The following ATG4B variants were observed in gnomAD, a reference collection of about 807,000 sequenced individuals.
The protein encoded by ATG4B is autophagy related 4B cysteine peptidase.
In ATG4B, 29 loss-of-function variants were observed where a neutral mutation model predicts 56.6. The observed-to-expected ratio is 0.51, with a 90% CI of 0.38 to 0.70. The LOEUF (loss-of-function observed/expected upper bound fraction) is 0.70, where lower values mean the gene tolerates loss of function less well. Among genes scored for constraint, ATG4B ranks in the 30% least tolerant of loss-of-function variants. ATG4B has a pLI of 0.00. For missense variants in ATG4B, 461 were observed against 515.5 expected, an observed-to-expected ratio of 0.89 and a Z score of 1.02; for synonymous variants, 224 against 206.1, an observed-to-expected ratio of 1.09 and a Z score of -0.74.
intron 7 of ATG4B, among the ~76,000 whole-genome samples, chr2:241,664,381 CAAAA>C (rs909991532): frequency 1.3e-5 from 2 of 151,862 alleles, no homozygotes; most frequent in African/African-American, 2.4e-5. Context: ...AAAAACAAAA[CAAAA>C]AAACTAGCCG....
rs2068865631 is a variant in ATG4B at position 241,668,899 on chromosome 2, T to C, written c.957+214T>C. 1 of 665,672 alleles carries C rather than the reference T, an allele frequency of 1.5e-6. No individual in the cohort carries two copies. The allele number at this position is 665,672 out of a possible 1,614,324, so 41.2% of individuals were successfully genotyped here. A position where few individuals can be genotyped will look rare whatever the true frequency, so the allele number is the denominator to read the frequency against. On this transcript the variant is annotated intron_variant, in intron 10 of 12. Transcript: ENST00000404914. This position sits in a 1 kb window ranked among gnomAD's most constrained non-coding sequence, Gnocchi z 4.2. Reference sequence around the variant, plus strand: ...GGCACCACCTCCTGTGCAGCCTTCATGGCCTTCGAGTGGCCCAGAGAGCGT... The same window carrying C: ...GGCACCACCTCCTGTGCAGCCTTCACGGCCTTCGAGTGGCCCAGAGAGCGT...
At chr2:241,671,544 G>A in intron 12 of ATG4B, 139 bp downstream of exon 12, 1 of 1,539,582 alleles carries the variant, frequency 6.5e-7, no homozygotes. Flanking sequence ...GTTCGCCTGT[G>A]AGACCAGGTA....
rs763713606 is a variant in ATG4B at position 241,673,652 on chromosome 2, C to T, written c.*1388C>T. ...GGTGGGGAAGCAGGGAAGGCTGGTGCGATCTCCATTCCTTGGGCTCCACGT... is the reference window on the plus strand; with the variant it reads ...GGTGGGGAAGCAGGGAAGGCTGGTGTGATCTCCATTCCTTGGGCTCCACGT... On this transcript the variant is annotated 3_prime_UTR_variant, in exon 13 of 13. Coordinates refer to ENST00000404914, the MANE Select transcript of ATG4B (RefSeq NM_013325.5). 5.0e-5 allele frequency: 23 copies of T among 456,348 alleles called. 1 individual carries two copies. Among genetic ancestry groups the T allele is most frequent in the South Asian group, 1.7e-4 (11 of 64,550 alleles). The allele number at this position is 456,348 out of a possible 1,614,324, so 28.3% of individuals were successfully genotyped here. A position where few individuals can be genotyped will look rare whatever the true frequency, so the allele number is the denominator to read the frequency against.
chr2:241,668,408 C>T lies in ATG4B; in HGVS notation c.812-132C>T, dbSNP rs763853107. On this transcript the variant is annotated intron_variant, in intron 9 of 12. Transcript: ENST00000404914. This position sits in a 1 kb window ranked among gnomAD's most constrained non-coding sequence, Gnocchi z 4.2. Reference sequence around the variant, plus strand: ...CCTTTCCCTGATGGTCTGGTGCCCTCGGCTCCCTCCCCACCTCCTGCCCAC... The same window carrying T: ...CCTTTCCCTGATGGTCTGGTGCCCTTGGCTCCCTCCCCACCTCCTGCCCAC... 1.6e-5 allele frequency: 22 copies of T among 1,416,022 alleles called. No individual in the cohort carries two copies. The highest frequency in any genetic ancestry group is 2.8e-5 in the African/African-American group (2 of 70,380). 87.7% of individuals were successfully genotyped at this position (1,416,022 alleles called of 1,614,324 possible). A position where few individuals can be genotyped will look rare whatever the true frequency, so the allele number is the denominator to read the frequency against.
chr2:241,640,066 G>A (rs2067838618), intron 1 of ATG4B, among the ~76,000 whole-genome samples: 1 of 152,144 alleles, frequency 6.6e-6, no homozygotes, highest in Admixed American at 6.6e-5. Flanking sequence ...TCATATGAGA[G>A]ACTTGGCTAA....
At chr2:241,642,043 A>AC (rs1553563011) in intron 1 of ATG4B, among the ~76,000 whole-genome samples, 3 of 151,792 alleles carry the variant, frequency 2.0e-5, no homozygotes, top group East Asian at 1.9e-4. Flanking sequence ...TAAAAAAAAA[A>AC]CAGAACTTGA....
chr2:241,669,081 C>T (rs189303753), intron 10 of ATG4B, among the ~76,000 whole-genome samples: 1 of 149,242 alleles, frequency 6.7e-6, no homozygotes, highest in Non-Finnish European at 1.5e-5. Flanking sequence ...TAAACACGGG[C>T]GGCCCCTCCA....
intron 7 of ATG4B, among the ~76,000 whole-genome samples, chr2:241,662,433 A>G (rs1199728656): frequency 6.6e-6 from 1 of 152,198 alleles, no homozygotes; most frequent in Non-Finnish European, 1.5e-5. Flanking sequence ...AGAGAAATAT[A>G]AATTTTAAAT....
intron 6 of ATG4B, among the ~76,000 whole-genome samples, chr2:241,658,861 G>A (rs1276766551): frequency 6.6e-6 from 1 of 152,208 alleles, no homozygotes; most frequent in Non-Finnish European, 1.5e-5. Context: ...AGCCTCTTGC[G>A]TGTGCTCTCT....
chr2:241,653,676 G>A (rs1000188277), intron 4 of ATG4B, 66 bp downstream of exon 4: 4 of 1,456,554 alleles, frequency 2.7e-6, no homozygotes, highest in East Asian at 2.5e-5. Flanking sequence ...GGACTGTGGG[G>A]TCAGGGCTCT....
chr2:241,666,680 G>A lies in ATG4B; in HGVS notation c.574G>A (p.Ala192Thr), dbSNP rs757376870. 4.7e-5 allele frequency: 76 copies of A among 1,613,314 alleles called. No individual in the cohort carries two copies. The highest frequency in any genetic ancestry group is 5.9e-5 in the Non-Finnish European group (70 of 1,179,766). ...LCRTSVPCAGATAFPADSDRH... is the reference protein window; with the variant it reads ...LCRTSVPCAGTTAFPADSDRH... ...CAGGACCAGCGTTCCCTGTGCAGGC[G>A]CCACTGCGTTTCCTGCAGATTCCGA... Residue 192 changes from alanine to threonine, a missense_variant, in exon 8 of 13, where the codon GCC becomes ACC. Physicochemically the swap from Ala to Thr is moderately conservative, Grantham distance 58. Coordinates refer to ENST00000404914, the MANE Select transcript of ATG4B (RefSeq NM_013325.5).
intron 7 of ATG4B, among the ~76,000 whole-genome samples, chr2:241,665,390 C>G (rs532891297): frequency 9.8e-5 from 15 of 152,294 alleles, no homozygotes; most frequent in African/African-American, 2.9e-4. Context: ...GGGAACAACC[C>G]GTGCCGCTGA....
chr2:241,671,911 T>G lies in ATG4B; in HGVS notation c.1109-280T>G, dbSNP rs111645325. ...AAGGCAATGGCAATGGAACCACTCC[T>G]GATGACCACGAGGGTCAGACGCGGG... is the stretch of plus-strand genomic sequence containing the variant. On this transcript the variant is annotated intron_variant, in intron 12 of 12. Coordinates refer to ENST00000404914, the MANE Select transcript of ATG4B (RefSeq NM_013325.5). 2.4e-3 allele frequency: 3,249 copies of G among 1,359,052 alleles called. 69 individuals are homozygous for G. The African/African-American group carries it at 0.043, about 18-fold the overall frequency. The allele number at this position is 1,359,052 out of a possible 1,614,324, so 84.2% of individuals were successfully genotyped here.
chr2:241,651,342 ACT>A lies in ATG4B; in HGVS notation c.184+10_184+11del. On this transcript the variant is annotated splice_region_variant and intron_variant, in intron 3 of 12. Coordinates refer to ENST00000404914, the MANE Select transcript of ATG4B (RefSeq NM_013325.5). This position sits in a 1 kb window ranked among gnomAD's most constrained non-coding sequence, Gnocchi z 4.1. ...AAAAACTTTCCAGCCATTGGTAAGT[ACT>A]CTGTTTTATTACAACGCGGGACAAA... The A allele has an allele frequency of 1.0e-5, 16 of 1,580,706 alleles. No homozygotes were observed. Among genetic ancestry groups the A allele is most frequent in the Non-Finnish European group, 1.0e-5 (12 of 1,160,106 alleles).
intron 6 of ATG4B, among the ~76,000 whole-genome samples, chr2:241,658,554 G>A (rs944186323): frequency 1.3e-5 from 2 of 152,224 alleles, no homozygotes; most frequent in African/African-American, 4.8e-5. Context: ...GATCAGAGTC[G>A]TGTTAGACTT....
In ATG4B at chr2:241,666,656, A is replaced by G. The variant is rs1366216342; in HGVS notation, c.550A>G (p.Arg184Gly). Reference sequence around the variant, plus strand: ...GTCTCCCTTTCTAGGAAGGTTGTGCAGGACCAGCGTTCCCTGTGCAGGCGC... The same window carrying G: ...GTCTCCCTTTCTAGGAAGGTTGTGCGGGACCAGCGTTCCCTGTGCAGGCGC... ...VVMEEIRRLC[R>G]TSVPCAGATA... The change falls in exon 8 of 13, where the codon AGG (arginine) becomes GGG (glycine). Residue 184 changes from arginine to glycine, a missense_variant. By Grantham distance (125) the Arg-to-Gly change is moderately radical. Transcript: ENST00000404914. 3 of 1,613,324 alleles carry G rather than the reference A, an allele frequency of 1.9e-6. No individual in the cohort carries two copies. The highest frequency in any genetic ancestry group is 2.5e-6 in the Non-Finnish European group (3 of 1,179,784).
intron 1 of ATG4B, among the ~76,000 whole-genome samples, chr2:241,642,141 A>C (rs1454748894): frequency 6.6e-6 from 1 of 151,476 alleles, no homozygotes. Flanking sequence ...ATAACATGTA[A>C]TGAATGCAGA....
Position 241,673,000 on chromosome 2 carries a change from G to T in ATG4B, c.*736G>T. ...CCTGCCCTCAGAGTGTCCCTTTCCA[G>T]TGCTGTGGCATTCTGTGGCAGCTTC... is the stretch of plus-strand genomic sequence containing the variant. On this transcript the variant is annotated 3_prime_UTR_variant, in exon 13 of 13. Coordinates refer to ENST00000404914, the MANE Select transcript of ATG4B (RefSeq NM_013325.5). 1 of 171,524 alleles carries T rather than the reference G, an allele frequency of 5.8e-6. No individual in the cohort carries two copies. 10.6% of individuals were successfully genotyped at this position (171,524 alleles called of 1,614,324 possible). A position where few individuals can be genotyped will look rare whatever the true frequency, so the allele number is the denominator to read the frequency against.
intron 1 of ATG4B, among the ~76,000 whole-genome samples, chr2:241,643,682 A>G (rs200939527): frequency 5.3e-4 from 38 of 72,244 alleles, no homozygotes; most frequent in African/African-American, 1.6e-3. Flanking sequence ...GTGTGTGTGT[A>G]TGTATATATT....
Sources: gnomAD v4.1 joint callset for allele counts (sites outside exome capture counted in the v4.1 genomes callset) on GRCh38, gnomAD v4.1.1 for gene constraint, Gnocchi (gnomAD v3.1) non-coding constraint, MANE v1.5 for transcripts, NCBI Gene and HGNC (gene_info 2026-07-23, HGNC 2026-07-21) for gene names.